XRN1: variants seen among roughly 807,000 people sequenced by gnomAD.
XRN1 encodes the protein 5'-3' exoribonuclease 1, also known as strand-exchange protein 1 homolog.
XRN1 carries 67 observed loss-of-function variants against 222.3 expected under a neutral mutation model. That is an observed-to-expected ratio of 0.30 (90% CI 0.25 to 0.37). The LOEUF (loss-of-function observed/expected upper bound fraction) is 0.37. Ranked by LOEUF, XRN1 falls within the 10% of genes least tolerant of loss-of-function variation. The pLI, the probability that XRN1 is intolerant of heterozygous loss-of-function variation, is 1.00. For synonymous variants in XRN1, 643 were observed against 652.4 expected (o/e 0.99, Z 0.22); for missense variants, 1,707 against 2,000.2 (o/e 0.85, Z 2.80).
intron 33 of XRN1, among the ~76,000 whole-genome samples, chr3:142,339,502 C>T (rs969807685): frequency 1.3e-5 from 2 of 152,218 alleles, no homozygotes; most frequent in African/African-American, 4.8e-5. Flanking sequence ...ATGTATCTAA[C>T]TCTTTAATCC....
chr3:142,436,310 A>T (rs955844334), intron 1 of XRN1, among the ~76,000 whole-genome samples: 71 of 152,176 alleles, frequency 4.7e-4, no homozygotes, highest in African/African-American at 1.7e-3. Flanking sequence ...GGCATTTATT[A>T]TGCAATTATT....
At chr3:142,361,466 A>G (rs771439024) in intron 29 of XRN1, among the ~76,000 whole-genome samples, 41 of 152,200 alleles carry the variant, frequency 2.7e-4, no homozygotes, top group Non-Finnish European at 3.2e-4. Context: ...TTAAGGACTT[A>G]CCTACATCAT....
intron 39 of XRN1, chr3:142,313,289 G>T: frequency 1.7e-6 from 2 of 1,168,652 alleles, no homozygotes; most frequent in East Asian, 2.4e-5. Flanking sequence ...TTCACTTACA[G>T]TTTGTTTATT....
At chr3:142,442,335 G>A (rs1326895190) in intron 1 of XRN1, among the ~76,000 whole-genome samples, 1 of 152,142 alleles carries the variant, frequency 6.6e-6, no homozygotes, top group Non-Finnish European at 1.5e-5. Flanking sequence ...GAACCGCCAA[G>A]AGGATATTGA....
chr3:142,440,946 G>A (rs969073970), intron 1 of XRN1, among the ~76,000 whole-genome samples: 2 of 152,158 alleles, frequency 1.3e-5, no homozygotes, highest in Non-Finnish European at 2.9e-5. Context: ...CAAGACTTGA[G>A]CCAATTTTCA....
At chr3:142,361,330 A>G (rs2066623903) in intron 29 of XRN1, among the ~76,000 whole-genome samples, 1 of 152,248 alleles carries the variant, frequency 6.6e-6, no homozygotes, top group Non-Finnish European at 1.5e-5. Context: ...TATTACATAC[A>G]TATAAAGCTG....
At chr3:142,342,752 C>T (rs1296095542) in intron 33 of XRN1, among the ~76,000 whole-genome samples, 1 of 152,034 alleles carries the variant, frequency 6.6e-6, no homozygotes. Context: ...GAAACTAGAC[C>T]TCCATCTCTT....
intron 10 of XRN1, among the ~76,000 whole-genome samples, chr3:142,419,656 A>G (rs1304834774): frequency 6.6e-6 from 1 of 152,112 alleles, no homozygotes; most frequent in Non-Finnish European, 1.5e-5. Context: ...TAAAAATACA[A>G]AAATTAGCTG....
rs1175828572 is a variant in XRN1, at chr3:142,317,305, A to G, written c.4621+1287T>C. ...TCTGATCTCTTTTTCTGGAACTCTA[A>G]TAAGGTGGGAGCTGGATCTGTGCAC... On this transcript the variant is annotated intron_variant, in intron 39 of 40. Transcript: ENST00000392981. Among the ~76,000 whole-genome samples the G allele has an allele frequency of 5.9e-5, 9 of 152,206 alleles. No individual in the cohort carries two copies. The East Asian group carries it at 1.7e-3, about 29-fold the overall frequency.
chr3:142,419,243 G>C (rs1171437443), intron 10 of XRN1, among the ~76,000 whole-genome samples: 1 of 152,090 alleles, frequency 6.6e-6, no homozygotes, highest in Admixed American at 6.5e-5. Flanking sequence ...GAATTGTGGT[G>C]GGGGAGCCAG....
intron 29 of XRN1, among the ~76,000 whole-genome samples, chr3:142,361,957 TTCTC>T (rs1192985329): frequency 8.5e-5 from 12 of 141,058 alleles, no homozygotes; most frequent in Non-Finnish European, 1.5e-4. Flanking sequence ...TCTTTTCTTT[TTCTC>T]TCTTTTTTTT....
chr3:142,354,031 T>A lies in XRN1; in HGVS notation c.3768+1370A>T, dbSNP rs190201342. Among the ~76,000 whole-genome samples, 63 of 152,250 alleles carry A rather than the reference T, an allele frequency of 4.1e-4. 2 individuals are homozygous for A. In the East Asian group the frequency reaches 0.012, roughly 28 times the overall value. On this transcript the variant is annotated intron_variant, in intron 32 of 40. Transcript: ENST00000392981. The stretch of plus-strand genomic sequence containing the variant: ...ACAAGATGCTTGCTTCAGCAGCACA[T>A]ATACTAAAATTGGAATGGTACAGAG...
At chr3:142,323,934 T>C (rs1577218944) in intron 37 of XRN1, among the ~76,000 whole-genome samples, 1 of 152,230 alleles carries the variant, frequency 6.6e-6, no homozygotes, top group East Asian at 1.9e-4. Context: ...GTACATGTGA[T>C]ATTTTGATAC....
intron 15 of XRN1, among the ~76,000 whole-genome samples, chr3:142,408,071 A>G (rs2068415670): frequency 6.6e-6 from 1 of 152,246 alleles, no homozygotes; most frequent in African/African-American, 2.4e-5. Context: ...CTTCTAAAAG[A>G]CAGTTCACAC....
At position 142,347,246 on chromosome 3, in the gene XRN1, G is replaced by A; in HGVS notation, c.3865C>T (p.Pro1289Ser). The A allele has an allele frequency of 6.2e-7, 1 of 1,600,258 alleles. No homozygotes were observed. Among genetic ancestry groups the A allele is most frequent in the Non-Finnish European group, 8.5e-7 (1 of 1,172,268 alleles). ...ATTTAAAACTTACATTTTCTGTGAG[G>A]GTCATGTTTTCTTTGCTGATATTTA... Reference protein sequence around the residue: ...SVKYQQRKHDPHRKFKEECKS... With the variant: ...SVKYQQRKHDSHRKFKEECKS... Residue 1289 changes from proline (P) to serine (S), a missense_variant, in exon 33 of 41, where the codon CCT becomes TCT. Coordinates refer to ENST00000392981, the MANE Select transcript of XRN1 (RefSeq NM_001282857.2).
At position 142,447,372 on chromosome 3, in the gene XRN1, C is replaced by G. The variant is rs2070555813; in HGVS notation, c.75+498G>C. Among the ~76,000 whole-genome samples, 1 of 152,144 alleles carries G rather than the reference C, an allele frequency of 6.6e-6. No homozygotes were observed. The highest frequency in any genetic ancestry group is 2.1e-4 in the South Asian group (1 of 4,836). The stretch of plus-strand genomic sequence containing the variant: ...ATGACCATCAGCCACGTCGGAAAGT[C>G]TAGGCTCCGGGGGCCGGGTGGGCCG... On this transcript the variant is annotated intron_variant, in intron 1 of 40. Transcript: ENST00000392981. This position sits in a 1 kb window ranked among gnomAD's most constrained non-coding sequence, Gnocchi z 4.2.
At chr3:142,390,435 T>C (rs910695780) in intron 20 of XRN1, among the ~76,000 whole-genome samples, 2 of 152,240 alleles carry the variant, frequency 1.3e-5, no homozygotes, top group Non-Finnish European at 2.9e-5. Context: ...CAGCTCACAC[T>C]TTATATTATG....
intron 20 of XRN1, 56 bp downstream of exon 20, chr3:142,397,273 A>G: frequency 6.8e-7 from 1 of 1,463,546 alleles, no homozygotes; most frequent in South Asian, 1.5e-5. Context: ...TTAGAGAATG[A>G]GTACATTAAA....
rs1400751207 is a variant in XRN1 at position 142,308,102 on chromosome 3, TAATAA to T, written c.*3404_*3408del. On this transcript the variant is annotated 3_prime_UTR_variant, in exon 41 of 41. Transcript: ENST00000392981. ...AAGATCTGCACAGCTCTATCTCATA[TAATAA>T]AAGTAAAAATTAGACAACCACTATA... 3 of 152,178 alleles carry T rather than the reference TAATAA, an allele frequency of 2.0e-5. No individual in the cohort carries two copies. The highest frequency in any genetic ancestry group is 6.5e-5 in the Admixed American group (1 of 15,272). 9.4% of individuals were successfully genotyped at this position (152,178 alleles called of 1,614,324 possible).
Sources: gnomAD v4.1 joint callset for allele counts (sites outside exome capture counted in the v4.1 genomes callset) on GRCh38, gnomAD v4.1.1 for gene constraint, Gnocchi (gnomAD v3.1) non-coding constraint, MANE v1.5 for transcripts, NCBI Gene and HGNC (gene_info 2026-07-23, HGNC 2026-07-21) for gene names.